IL4I1: variants seen among roughly 807,000 people sequenced by gnomAD.
IL4I1 encodes interleukin 4 induced 1.
In IL4I1, 24 loss-of-function variants were observed where a neutral mutation model predicts 29.7. The ratio of observed to expected loss-of-function variants is 0.81; its 90% CI spans 0.59 to 1.14. The LOEUF is 1.14. IL4I1 is among the 50% of genes most tolerant of loss of function. The probability of loss-of-function intolerance (pLI) is 0.00; values close to 1 mark genes in which losing one functional copy is unlikely to be tolerated. For synonymous variants in IL4I1, 371 were observed against 352.5 expected (o/e 1.05, Z -0.59); for missense variants, 686 against 785.6 (o/e 0.87, Z 1.52).
At chr19:49,903,071 C>T (rs994098264) in intron 3 of IL4I1, among the ~76,000 whole-genome samples, 1 of 151,970 alleles carries the variant, frequency 6.6e-6, no homozygotes, top group Admixed American at 6.6e-5. Context: ...GCCGAGATCA[C>T]ACCACTGCAC....
intron 2 of IL4I1, among the ~76,000 whole-genome samples, chr19:49,925,224 G>A (rs998526424): frequency 2.0e-5 from 3 of 152,030 alleles, no homozygotes; most frequent in African/African-American, 4.8e-5. Context: ...TGGCACCATT[G>A]CACTCCAGCC....
At chr19:49,918,848 GGCCGGGC>G (rs2075689043) in intron 2 of IL4I1, among the ~76,000 whole-genome samples, 1 of 149,480 alleles carries the variant, frequency 6.7e-6, no homozygotes, top group Non-Finnish European at 1.5e-5. Context: ...ATAAAAGCTA[GGCCGGGC>G]GCAGTGGCTC....
At chr19:49,897,331 C>T (rs2075223458), upstream of IL4I1, among the ~76,000 whole-genome samples, 1 of 152,202 alleles carries the variant, frequency 6.6e-6, no homozygotes, top group Non-Finnish European at 1.5e-5. Flanking sequence ...GGTTCCACTT[C>T]CCTCTCCACT....
intron 6 of IL4I1, 65 bp from the exon 7 acceptor site, chr19:49,891,172 G>A: frequency 6.3e-7 from 1 of 1,576,604 alleles, no homozygotes; most frequent in Non-Finnish European, 8.6e-7. Flanking sequence ...GAGCCCCTCC[G>A]CAGCTGGGCC....
At chr19:49,892,077 CTTTT>C (rs773013384) in intron 5 of IL4I1, among the ~76,000 whole-genome samples, 4 of 120,184 alleles carry the variant, frequency 3.3e-5, no homozygotes, top group African/African-American at 3.3e-5. Flanking sequence ...CCCTCAATGT[CTTTT>C]TTTTTTTTTT....
At chr19:49,902,794 C>T (rs180881244) in intron 3 of IL4I1, among the ~76,000 whole-genome samples, 5 of 150,982 alleles carry the variant, frequency 3.3e-5, no homozygotes, top group South Asian at 2.1e-4. Flanking sequence ...CATGCCACTC[C>T]AGCCTAGGCG....
intron 6 of IL4I1, 117 bp from the exon 7 acceptor site, chr19:49,891,224 C>T: frequency 6.8e-7 from 1 of 1,479,214 alleles, no homozygotes; most frequent in Non-Finnish European, 9.2e-7. Flanking sequence ...GGATCCTGTC[C>T]CCACTCTCTG....
chr19:49,903,271 G>C lies in IL4I1; in HGVS notation c.-105+928C>G, dbSNP rs368240885. Among the ~76,000 whole-genome samples, 16 of 152,362 alleles carry C rather than the reference G, an allele frequency of 1.1e-4. No homozygotes were observed. In the South Asian group the frequency reaches 1.9e-3, roughly 18 times the overall value. On this transcript the variant is annotated intron_variant, in intron 3 of 9. Coordinates refer to the IL4I1 transcript ENST00000341114. ...TATCTGAGGTGACCCCAGGGCACCA[G>C]GCTAGTCCCCATCACGGCAGCGCAC...
chr19:49,903,718 C>G (rs1183301103), intron 3 of IL4I1, among the ~76,000 whole-genome samples: 1 of 151,814 alleles, frequency 6.6e-6, no homozygotes, highest in Admixed American at 6.6e-5. Context: ...GCTTTGCAAG[C>G]CACTCATTAC....
Position 49,909,954 on chromosome 19 carries a change from C to G in IL4I1, c.-227-5633G>C, listed in dbSNP as rs1047440542. On this transcript the variant is annotated intron_variant, in intron 2 of 9. Transcript: ENST00000341114. ...GCAAGCTCAGTGGCATGACTGGGCACAGTCGGTTTGGAGGGTGGTGGGATG... is the reference window on the plus strand; with the variant it reads ...GCAAGCTCAGTGGCATGACTGGGCAGAGTCGGTTTGGAGGGTGGTGGGATG... 65 of 816,686 alleles carry G rather than the reference C, an allele frequency of 8.0e-5. 1 individual carries two copies. The highest frequency in any genetic ancestry group is 1.3e-4 in the South Asian group (9 of 69,032). The allele number at this position is 816,686 out of a possible 1,614,324, so 50.6% of individuals were successfully genotyped here.
In IL4I1 at chr19:49,894,442, C is replaced by CA; in HGVS notation, c.392dup (p.Leu133AlafsTer75). ...GGGTGAACTTGGTCAGGTTGAGCCC[C>CA]AGGCCCTGGCAGAGCTTGTGGAGGA... On this transcript the variant is annotated frameshift_variant, in exon 5 of 8. Coordinates refer to ENST00000391826, the MANE Select transcript of IL4I1 (RefSeq NM_152899.2). LOFTEE classifies it high-confidence loss of function. The CA allele has an allele frequency of 6.2e-7, 1 of 1,614,146 alleles. No homozygotes were observed. Among genetic ancestry groups the CA allele is most frequent in the Non-Finnish European group, 8.5e-7 (1 of 1,180,026 alleles).
chr19:49,891,417 C>T lies in IL4I1; in HGVS notation c.624G>A (p.Arg208=). Residue 208 remains arginine, a synonymous_variant, in exon 6 of 8, where the codon AGG becomes AGA. Transcript: ENST00000391826. ...GCRKAMKKFE[R]HTLLEYLLGE... is the part of the protein sequence containing the mutation. ...GATCCCCACTTACCAAGAGCGTGTG[C>T]CTTTCAAACTTCTTCATCGCCTTTC... is the stretch of plus-strand genomic sequence containing the variant. The T allele has an allele frequency of 6.2e-7, 1 of 1,614,106 alleles. No individual in the cohort carries two copies. Among genetic ancestry groups the T allele is most frequent in the Non-Finnish European group, 8.5e-7 (1 of 1,179,998 alleles).
At chr19:49,895,698 T>TACC in intron 3 of IL4I1, 117 bp downstream of exon 3, 1 of 705,418 alleles carries the variant, frequency 1.4e-6, no homozygotes, top group Non-Finnish European at 2.4e-6. Context: ...AGATAGCCTC[T>TACC]CCCCCCACAT....
At chr19:49,898,522 C>A (rs1275424302), upstream of IL4I1, among the ~76,000 whole-genome samples, 1 of 152,084 alleles carries the variant, frequency 6.6e-6, no homozygotes, top group African/African-American at 2.4e-5. Flanking sequence ...GATCACCTGC[C>A]TTGGAGGCCG....
chr19:49,896,323 AC>A, intron 1 of IL4I1, 141 bp from the exon 2 acceptor site: 1 of 1,056,492 alleles, frequency 9.5e-7, no homozygotes, highest in Non-Finnish European at 1.3e-6. Context: ...GTGTCCCCTA[AC>A]CCCATTCCTT....
intron 1 of IL4I1, chr19:49,929,171 G>T (rs905408194): frequency 6.8e-6 from 1 of 146,270 alleles, no homozygotes; most frequent in Non-Finnish European, 1.5e-5. Flanking sequence ...CCGCCACCCA[G>T]TATATATCTG....
intron 2 of IL4I1, chr19:49,917,489 A>T (rs1250188719): frequency 6.6e-6 from 1 of 152,182 alleles, no homozygotes; most frequent in Non-Finnish European, 1.5e-5. Context: ...CACCTTCCTA[A>T]GTGGACCTTA....
intron 2 of IL4I1, among the ~76,000 whole-genome samples, chr19:49,922,228 C>T (rs970642717): frequency 1.3e-5 from 2 of 152,224 alleles, no homozygotes; most frequent in Non-Finnish European, 2.9e-5. Context: ...TTAGCCCAAA[C>T]GCCTCCTTAT....
intron 3 of IL4I1, among the ~76,000 whole-genome samples, chr19:49,902,124 C>T (rs1289355237): frequency 5.3e-5 from 8 of 152,036 alleles, no homozygotes; most frequent in African/African-American, 1.7e-4. Flanking sequence ...CTCAGCCTCC[C>T]GAGGAGCTGC....
Sources: allele counts gnomAD v4.1 joint callset (sites outside exome capture counted in the v4.1 genomes callset), GRCh38; gene constraint gnomAD v4.1.1; transcripts MANE v1.5; gene names NCBI Gene and HGNC (gene_info 2026-07-23, HGNC 2026-07-21).